Variants in NEURL1 observed in about 807,000 individuals in gnomAD.
The protein encoded by NEURL1 is E3 ubiquitin-protein ligase NEURL1.
In NEURL1, 26 loss-of-function variants were observed where a neutral mutation model predicts 41.2. The observed-to-expected ratio is 0.63, with a 90% CI of 0.46 to 0.87. NEURL1 has a LOEUF of 0.87. Among genes scored for constraint, NEURL1 ranks in the 40% least tolerant of loss-of-function variants. The pLI, the probability that NEURL1 is intolerant of heterozygous loss-of-function variation, is 0.00. For missense variants in NEURL1, 761 were observed against 871.1 expected, an observed-to-expected ratio of 0.87 and a Z score of 1.59; for synonymous variants, 400 against 402.3, an observed-to-expected ratio of 0.99 and a Z score of 0.07.
intron 1 of NEURL1, among the ~76,000 whole-genome samples, chr10:103,561,853 T>C (rs1721873610): frequency 3.3e-5 from 5 of 152,232 alleles, no homozygotes. Flanking sequence ...TGAAGGTTCT[T>C]GAGCAGGCAG....
rs2036012008 is a variant in NEURL1 at position 103,590,252 on chromosome 10, A to G, written c.1605A>G (p.Thr535=). 1.9e-6 allele frequency: 3 copies of G among 1,614,070 alleles called. No homozygotes were observed. The highest frequency in any genetic ancestry group is 1.7e-5 in the Admixed American group (1 of 60,030). The change falls in exon 6 of 6, where the codon ACA becomes ACG. Residue 535 remains threonine (T), a synonymous_variant. Coordinates refer to ENST00000369780, the MANE Select transcript of NEURL1 (RefSeq NM_004210.5). ...ACGCGGTGGACACGGTCATCTACAC[A>G]TGTGGCCACATGTGCCTCTGCTACG... ...YEHAVDTVIY[T]CGHMCLCYAC...
chr10:103,549,257 C>T (rs912785421), intron 1 of NEURL1: 2 of 152,514 alleles, frequency 1.3e-5, no homozygotes, highest in African/African-American at 4.8e-5. Flanking sequence ...GATTCCCTTT[C>T]AGTCTCCACC....
intron 1 of NEURL1, among the ~76,000 whole-genome samples, chr10:103,520,469 C>A (rs1349437148): frequency 6.6e-6 from 1 of 151,874 alleles, no homozygotes; most frequent in African/African-American, 2.4e-5. Context: ...CAAGGTTAAT[C>A]ACTCAGTTAA....
At chr10:103,521,427 A>C (rs1326126332) in intron 1 of NEURL1, among the ~76,000 whole-genome samples, 1 of 152,186 alleles carries the variant, frequency 6.6e-6, no homozygotes, top group Non-Finnish European at 1.5e-5. Flanking sequence ...GAGTAAAGTC[A>C]ATTTGCCAGT....
At chr10:103,588,938 G>A (rs1317775855) in intron 4 of NEURL1, 10 of 351,174 alleles carry the variant, frequency 2.8e-5, no homozygotes, top group East Asian at 9.3e-5. Context: ...GCGAGACTCC[G>A]TCTGAAAAAA....
At position 103,591,945 on chromosome 10, in the gene NEURL1, G is replaced by A. The variant is rs1288784221; in HGVS notation, c.*1573G>A. The A allele has an allele frequency of 6.6e-6, 1 of 152,324 alleles. No homozygotes were observed. Among genetic ancestry groups the A allele is most frequent in the African/African-American group, 2.4e-5 (1 of 41,464 alleles). The allele number at this position is 152,324 out of a possible 1,614,324, so 9.4% of individuals were successfully genotyped here. ...ACCTCCAGGTTCTCTAAGTTCTGGGGAGGGAGCGCCCCACCTGCTGAGGTC... is the reference window on the plus strand; with the variant it reads ...ACCTCCAGGTTCTCTAAGTTCTGGGAAGGGAGCGCCCCACCTGCTGAGGTC... On this transcript the variant is annotated 3_prime_UTR_variant, in exon 6 of 6. Transcript: ENST00000369780.
At chr10:103,582,012 C>T (rs2035792284) in intron 3 of NEURL1, among the ~76,000 whole-genome samples, 1 of 152,178 alleles carries the variant, frequency 6.6e-6, no homozygotes, top group African/African-American at 2.4e-5. Context: ...GGCAGAGAGA[C>T]CAGGATAGCT....
chr10:103,517,002 C>A (rs763058844), intron 1 of NEURL1, among the ~76,000 whole-genome samples: 13 of 148,598 alleles, frequency 8.7e-5, no homozygotes, highest in Non-Finnish European at 1.5e-4. Context: ...TCCTTCCCTC[C>A]ATCCTTCCTC....
chr10:103,529,580 G>T (rs896294729), intron 1 of NEURL1, among the ~76,000 whole-genome samples: 2 of 152,184 alleles, frequency 1.3e-5, no homozygotes, highest in African/African-American at 4.8e-5. Context: ...CTCCAACTGT[G>T]TTCTGTTACA....
intron 3 of NEURL1, among the ~76,000 whole-genome samples, chr10:103,577,431 A>C (rs2035689479): frequency 6.6e-6 from 1 of 152,206 alleles, no homozygotes. Flanking sequence ...ATATAAAGGA[A>C]GGTATTATTG....
intron 1 of NEURL1, among the ~76,000 whole-genome samples, chr10:103,499,859 C>T (rs1049649499): frequency 6.6e-5 from 10 of 152,138 alleles, no homozygotes; most frequent in African/African-American, 1.2e-4. Flanking sequence ...TCTCTGCCTC[C>T]GGTCCCTCCT....
intron 3 of NEURL1, among the ~76,000 whole-genome samples, chr10:103,573,548 G>A (rs2035593593): frequency 6.6e-6 from 1 of 152,148 alleles, no homozygotes; most frequent in Non-Finnish European, 1.5e-5. Context: ...CCTTGGTGCT[G>A]CTCTGGTATC....
At chr10:103,530,536 G>A (rs2034548599) in intron 1 of NEURL1, among the ~76,000 whole-genome samples, 1 of 151,690 alleles carries the variant, frequency 6.6e-6, no homozygotes, top group Admixed American at 6.6e-5. Flanking sequence ...GGTCAGAAAT[G>A]ATAGTTGATA....
At chr10:103,552,366 G>T (rs2035049021) in intron 1 of NEURL1, among the ~76,000 whole-genome samples, 1 of 152,098 alleles carries the variant, frequency 6.6e-6, no homozygotes, top group Non-Finnish European at 1.5e-5. Flanking sequence ...GTTTCCTGAG[G>T]CTCCTCCTGC....
rs987043899 is a variant in NEURL1, at chr10:103,558,642, C to T, written c.86-12230C>T. On this transcript the variant is annotated intron_variant, in intron 1 of 5. Coordinates refer to ENST00000369780, the MANE Select transcript of NEURL1 (RefSeq NM_004210.5). This position sits in a 1 kb window ranked among gnomAD's most constrained non-coding sequence, Gnocchi z 4.2. Reference sequence around the variant, plus strand: ...ATTCCCATTTGGAAAATGGTTTAAGCGGTTACACGCTTGATCTCTTCCATT... The same window carrying T: ...ATTCCCATTTGGAAAATGGTTTAAGTGGTTACACGCTTGATCTCTTCCATT... 3.1e-4 allele frequency among the ~76,000 whole-genome samples: 47 copies of T among 152,090 alleles called. No homozygotes were observed. Among genetic ancestry groups the T allele is most frequent in the African/African-American group, 1.0e-3 (43 of 41,464 alleles).
rs1183463577 is a variant in NEURL1, at chr10:103,584,742, C to T, written c.856C>T (p.Leu286=). The T allele has an allele frequency of 6.8e-7, 1 of 1,462,808 alleles. No individual in the cohort carries two copies. Among genetic ancestry groups the T allele is most frequent in the Non-Finnish European group, 9.0e-7 (1 of 1,112,376 alleles). 90.6% of individuals were successfully genotyped at this position (1,462,808 alleles called of 1,614,324 possible). The change falls in exon 4 of 6, where the codon CTG becomes TTG. Residue 286 remains leucine (L), a synonymous_variant. Coordinates refer to ENST00000369780, the MANE Select transcript of NEURL1 (RefSeq NM_004210.5). ...ACTCAACTCGCAGCACAGCCGCGCG[C>T]TGCCGGCGCAGCTCGACGGCGACCT... The part of the protein sequence containing the change: ...NSLNSQHSRA[L]PAQLDGDLRF...
At chr10:103,564,693 C>T (rs990151100) in intron 1 of NEURL1, among the ~76,000 whole-genome samples, 2 of 152,196 alleles carry the variant, frequency 1.3e-5, no homozygotes, top group East Asian at 1.9e-4. Flanking sequence ...CTCCTTCATT[C>T]GTAGAATAGG....
intron 1 of NEURL1, among the ~76,000 whole-genome samples, chr10:103,543,867 G>A (rs2034871627): frequency 6.6e-6 from 1 of 152,078 alleles, no homozygotes. Context: ...CAAGTGATGT[G>A]CCATGTTCTA....
At chr10:103,586,033 C>T (rs1216408648) in intron 4 of NEURL1, among the ~76,000 whole-genome samples, 1 of 148,288 alleles carries the variant, frequency 6.7e-6, no homozygotes. Flanking sequence ...GAGCAGGCAG[C>T]CTTGGGGGAA....
Sources: allele counts gnomAD v4.1 joint callset (sites outside exome capture counted in the v4.1 genomes callset), GRCh38; gene constraint gnomAD v4.1.1; non-coding constraint Gnocchi (gnomAD v3.1); transcripts MANE v1.5; gene names NCBI Gene and HGNC (gene_info 2026-07-23, HGNC 2026-07-21).